ZNF385D: variants seen among roughly 807,000 people sequenced by gnomAD.
ZNF385D encodes the protein zinc finger protein 385D.
A neutral mutation model predicts 35.8 loss-of-function variants in ZNF385D; 15 were observed. The observed-to-expected ratio is 0.42, with a 90% CI of 0.28 to 0.64. The LOEUF (loss-of-function observed/expected upper bound fraction) is 0.64, where lower values mean the gene tolerates loss of function less well. ZNF385D is among the 30% of genes least tolerant of loss of function. ZNF385D has a pLI of 0.23. For synonymous variants in ZNF385D, 212 were observed against 186.8 expected (o/e 1.13, Z -1.10); for missense variants, 474 against 494.6 (o/e 0.96, Z 0.39).
At chr3:21,919,173 G>T (rs535138063) in intron 3 of ZNF385D, among the ~76,000 whole-genome samples, 8 of 152,176 alleles carry the variant, frequency 5.3e-5, no homozygotes, top group Non-Finnish European at 8.8e-5. Context: ...TTAATATTCA[G>T]TCTTCATTCA....
chr3:21,902,657 T>C (rs1038233640), intron 3 of ZNF385D, among the ~76,000 whole-genome samples: 8 of 152,184 alleles, frequency 5.3e-5, no homozygotes, highest in Non-Finnish European at 1.0e-4. Flanking sequence ...AAGTCACTAT[T>C]TTTATTTATT....
At chr3:22,145,535 T>C (rs1233930964) in intron 3 of ZNF385D, among the ~76,000 whole-genome samples, 1 of 152,148 alleles carries the variant, frequency 6.6e-6, no homozygotes, top group African/African-American at 2.4e-5. Context: ...AAGAATACTA[T>C]TTTTTCCCAT....
intron 2 of ZNF385D, among the ~76,000 whole-genome samples, chr3:22,339,467 G>A (rs1234947951): frequency 6.6e-6 from 1 of 151,988 alleles, no homozygotes; most frequent in African/African-American, 2.4e-5. Context: ...ACCATCAAAG[G>A]GTTCTTACAG....
intron 2 of ZNF385D, among the ~76,000 whole-genome samples, chr3:22,173,565 T>C (rs1225713732): frequency 6.6e-6 from 1 of 152,194 alleles, no homozygotes; most frequent in African/African-American, 2.4e-5. Flanking sequence ...ACTTGTGTGC[T>C]CTGGGAAAGA....
intron 1 of ZNF385D, among the ~76,000 whole-genome samples, chr3:21,732,427 T>C (rs921455565): frequency 4.6e-5 from 7 of 152,114 alleles, no homozygotes; most frequent in African/African-American, 9.7e-5. Context: ...TCCTGGATCA[T>C]ATGGTAAAAA....
At chr3:21,815,385 T>C (rs935900465) in intron 3 of ZNF385D, among the ~76,000 whole-genome samples, 1 of 151,930 alleles carries the variant, frequency 6.6e-6, no homozygotes, top group Admixed American at 6.6e-5. Flanking sequence ...AAAAAATCAA[T>C]GAATCAAGGA....
intron 2 of ZNF385D, among the ~76,000 whole-genome samples, chr3:21,624,041 T>C (rs1379551154): frequency 6.6e-6 from 1 of 152,090 alleles, no homozygotes; most frequent in Non-Finnish European, 1.5e-5. Context: ...GAAGCATAAA[T>C]CTAGTCAAGA....
intron 3 of ZNF385D, among the ~76,000 whole-genome samples, chr3:21,559,127 C>T (rs774023972): frequency 1.8e-4 from 28 of 152,070 alleles, no homozygotes; most frequent in South Asian, 4.2e-4. Context: ...TCCAATTTGC[C>T]AGTCTGTGTC....
chr3:22,245,641 A>T (rs1699736038), intron 2 of ZNF385D, among the ~76,000 whole-genome samples: 1 of 151,980 alleles, frequency 6.6e-6, no homozygotes, highest in Admixed American at 6.6e-5. Context: ...GCCACAACAG[A>T]CAATAGACGG....
chr3:21,772,083 T>C (rs1287074328), intron 3 of ZNF385D, among the ~76,000 whole-genome samples: 3 of 151,870 alleles, frequency 2.0e-5, no homozygotes, highest in Admixed American at 2.0e-4. Flanking sequence ...TAAGTCACAA[T>C]GGATTAAAGG....
chr3:22,094,396 A>C (rs79294266), intron 3 of ZNF385D, among the ~76,000 whole-genome samples: 1 of 108,524 alleles, frequency 9.2e-6, no homozygotes, highest in Non-Finnish European at 2.2e-5. Context: ...ATATATATAT[A>C]TATATATATA....
chr3:22,372,319 T>TC, intron 2 of ZNF385D: 1 of 434,926 alleles, frequency 2.3e-6, no homozygotes, highest in South Asian at 9.4e-5. Flanking sequence ...GAACGCCCAT[T>TC]CCGCGCCCCC....
intron 3 of ZNF385D, among the ~76,000 whole-genome samples, chr3:21,763,074 G>C (rs1352010993): frequency 6.6e-6 from 1 of 152,174 alleles, no homozygotes; most frequent in South Asian, 2.1e-4. Flanking sequence ...AAACAAATAA[G>C]ACAAATTTCC....
intron 1 of ZNF385D, among the ~76,000 whole-genome samples, chr3:21,740,495 G>A (rs989309328): frequency 4.6e-5 from 7 of 152,108 alleles, no homozygotes; most frequent in Non-Finnish European, 8.8e-5. Context: ...ATCAACTACT[G>A]TAATATGGAC....
At position 21,683,175 on chromosome 3, in the gene ZNF385D, A is replaced by C. The variant is rs1183748733; in HGVS notation, c.23-18147T>G. 1.3e-5 allele frequency among the ~76,000 whole-genome samples: 2 copies of C among 149,924 alleles called. 1 individual carries two copies. Among genetic ancestry groups the C allele is most frequent in the South Asian group, 4.3e-4 (2 of 4,662 alleles). The stretch of plus-strand genomic sequence containing the variant: ...GCCAGAGAACACAAATGATAAACCT[A>C]AAGTCCAGTTAAGGATGTGTGTCTC... On this transcript the variant is annotated intron_variant, in intron 1 of 7. Coordinates refer to ENST00000281523, the MANE Select transcript of ZNF385D (RefSeq NM_024697.3).
chr3:22,235,874 A>C (rs1699151553), intron 2 of ZNF385D, among the ~76,000 whole-genome samples: 1 of 152,142 alleles, frequency 6.6e-6, no homozygotes, highest in African/African-American at 2.4e-5. Context: ...GCCCAGATTC[A>C]TGTTCGACAA....
At chr3:22,000,779 T>C (rs569925269) in intron 3 of ZNF385D, among the ~76,000 whole-genome samples, 34 of 151,962 alleles carry the variant, frequency 2.2e-4, no homozygotes, top group African/African-American at 8.2e-4. Flanking sequence ...AAAAACCCGT[T>C]AATGAAGAAT....
At chr3:22,251,226 A>G (rs1576565299) in intron 2 of ZNF385D, among the ~76,000 whole-genome samples, 1 of 152,284 alleles carries the variant, frequency 6.6e-6, no homozygotes, top group Non-Finnish European at 1.5e-5. Context: ...ATCCGTTTAC[A>G]TGAGTGCTTA....
At chr3:22,174,945 A>G (rs559934043) in intron 2 of ZNF385D, among the ~76,000 whole-genome samples, 1 of 152,116 alleles carries the variant, frequency 6.6e-6, no homozygotes, top group South Asian at 2.1e-4. Context: ...CAAATTTTAC[A>G]AAAGTTTTGC....
Sources: allele counts gnomAD v4.1 joint callset (sites outside exome capture counted in the v4.1 genomes callset), GRCh38; gene constraint gnomAD v4.1.1; transcripts MANE v1.5; gene names NCBI Gene and HGNC (gene_info 2026-07-23, HGNC 2026-07-21).